Variants in POFUT4 observed in about 807,000 individuals in gnomAD.
The protein encoded by POFUT4 is GDP-fucose protein O-fucosyltransferase 4.
chr10:73,779,802 C>T, the POFUT4 span: 4 of 152,178 alleles, frequency 2.6e-5, no homozygotes, highest in Admixed American at 1.3e-4. Flanking sequence ...GACATGGGCT[C>T]ACATTGGCAT....
At chr10:73,779,256 TC>T in the POFUT4 span, 1 of 145,256 alleles carries the variant, frequency 6.9e-6, no homozygotes, top group Non-Finnish European at 1.5e-5. Flanking sequence ...GAGACCTCTG[TC>T]TAAAAAAAAA....
the POFUT4 span, chr10:73,772,295 T>A: frequency 7.3e-7 from 1 of 1,375,026 alleles, no homozygotes. Context: ...CTGGGCGGGG[T>A]CGGTGCTGGC....
At chr10:73,775,325 A>T in the POFUT4 span, 3 of 1,137,548 alleles carry the variant, frequency 2.6e-6, no homozygotes, top group Non-Finnish European at 3.8e-6. Context: ...ATCGTAATTG[A>T]TTGGGTAGTC....
the POFUT4 span, chr10:73,772,893 C>G: frequency 2.1e-3 from 3,393 of 1,611,974 alleles, 63 homozygotes; most frequent in African/African-American, 0.039. Flanking sequence ...CTGCCCGGGA[C>G]CGCCTATCTG....
the POFUT4 span, chr10:73,772,426 G>A: frequency 1.3e-6 from 2 of 1,569,560 alleles, no homozygotes; most frequent in East Asian, 2.4e-5. Context: ...CGGAGAGGGA[G>A]GCCGGCGGGG....
the POFUT4 span, chr10:73,773,027 A>C: frequency 3.2e-6 from 5 of 1,576,774 alleles, no homozygotes; most frequent in East Asian, 4.5e-5. Flanking sequence ...GCGCGAGCTC[A>C]TGCGCCACAT....
At chr10:73,772,307 G>A in the POFUT4 span, 11 of 1,412,418 alleles carry the variant, frequency 7.8e-6, no homozygotes, top group East Asian at 2.8e-5. Context: ...GGTGCTGGCC[G>A]AGGGGGCGCC....
the POFUT4 span, chr10:73,775,439 A>T: frequency 6.2e-7 from 1 of 1,612,952 alleles, no homozygotes; most frequent in South Asian, 1.1e-5. Flanking sequence ...CAAGTTAGAG[A>T]CCACTGTATC....
the POFUT4 span, chr10:73,772,309 G>T: frequency 7.1e-7 from 1 of 1,416,090 alleles, no homozygotes; most frequent in Non-Finnish European, 9.2e-7. Context: ...TGCTGGCCGA[G>T]GGGGCGCCGG....
the POFUT4 span, chr10:73,773,175 C>G: frequency 1.9e-6 from 3 of 1,596,340 alleles, no homozygotes; most frequent in Non-Finnish European, 2.6e-6. Flanking sequence ...GACAGCCTTA[C>G]TGTACCCGGT....
chr10:73,773,720 C>T, the POFUT4 span: 1 of 1,614,222 alleles, frequency 6.2e-7, no homozygotes, highest in East Asian at 2.2e-5. Flanking sequence ...GGGACAGCCC[C>T]GTCTTTGAGC....
At chr10:73,775,665 A>G in the POFUT4 span, 35 of 1,614,250 alleles carry the variant, frequency 2.2e-5, no homozygotes, top group Admixed American at 5.3e-4. Context: ...TGAAATCTTC[A>G]TGAAGAGGCA....
At chr10:73,776,298 C>T in the POFUT4 span, 3 of 151,782 alleles carry the variant, frequency 2.0e-5, no homozygotes, top group African/African-American at 7.3e-5. Flanking sequence ...CCAGGTTGGT[C>T]TCCAACTCCT....
At chr10:73,772,708 A>G in the POFUT4 span, 2 of 1,583,586 alleles carry the variant, frequency 1.3e-6, no homozygotes, top group South Asian at 2.3e-5. Flanking sequence ...TCTACGGCAC[A>G]GACTTCCGCG....
chr10:73,773,507 G>C, the POFUT4 span: 3 of 1,614,252 alleles, frequency 1.9e-6, no homozygotes, highest in Non-Finnish European at 2.5e-6. Context: ...TTCTGGACAA[G>C]AATGATGAGG....
the POFUT4 span, chr10:73,775,742 G>C: frequency 6.4e-7 from 1 of 1,569,324 alleles, no homozygotes; most frequent in Non-Finnish European, 8.7e-7. Flanking sequence ...TTCTACCATG[G>C]GACATAAGGA....
chr10:73,773,390 C>T, the POFUT4 span: 2 of 1,614,190 alleles, frequency 1.2e-6, no homozygotes. Flanking sequence ...GCGCTGTGCC[C>T]GTGTACCGCG....
At chr10:73,773,178 T>TA in the POFUT4 span, 1 of 1,598,970 alleles carries the variant, frequency 6.3e-7, no homozygotes, top group African/African-American at 1.3e-5. Flanking sequence ...AGCCTTACTG[T>TA]ACCCGGTCTA....
At chr10:73,774,103 G>C in the POFUT4 span, 2 of 348,612 alleles carry the variant, frequency 5.7e-6, no homozygotes, top group Non-Finnish European at 1.0e-5. Context: ...GCAGACAGGG[G>C]AGAGAGAAAA....
Sources: allele counts gnomAD v4.1 joint callset, GRCh38; gene constraint gnomAD v4.1.1; transcripts MANE v1.5; gene names NCBI Gene and HGNC (gene_info 2026-07-23, HGNC 2026-07-21).